The following BCL2L13 variants were observed in gnomAD, a reference collection of about 807,000 sequenced individuals.
The protein encoded by BCL2L13 is bcl-2-like protein 13.
A neutral mutation model predicts 25.8 loss-of-function variants in BCL2L13; 13 were observed. The ratio of observed to expected loss-of-function variants is 0.50; its 90% CI spans 0.33 to 0.80. The LOEUF (loss-of-function observed/expected upper bound fraction) is 0.80, where lower values mean the gene tolerates loss of function less well. Among genes scored for constraint, BCL2L13 ranks in the 30% least tolerant of loss-of-function variants. The pLI is 0.02. For synonymous variants in BCL2L13, 244 were observed against 230.3 expected (o/e 1.06, Z -0.54); for missense variants, 504 against 574.9 (o/e 0.88, Z 1.26).
intron 3 of BCL2L13, 27 bp downstream of exon 3, chr22:17,683,348 A>C (rs753626528): frequency 5.3e-6 from 7 of 1,309,864 alleles, no homozygotes; most frequent in Non-Finnish European, 7.5e-6. Context: ...TTTTCTAGTT[A>C]ATAAGCAGAT....
At chr22:17,636,331 GA>G (rs75562807), upstream of BCL2L13, among the ~76,000 whole-genome samples, 19,330 of 103,052 alleles carry the variant, frequency 0.19, 1,197 homozygotes, top group Middle Eastern at 0.32. Flanking sequence ...TCAAAAAAAA[GA>G]AAAAAAAAAA....
chr22:17,648,865 A>T (rs972748225), intron 1 of BCL2L13, among the ~76,000 whole-genome samples: 3 of 152,198 alleles, frequency 2.0e-5, no homozygotes, highest in Non-Finnish European at 4.4e-5. Context: ...TGGGTTGGCA[A>T]ACGACTTCAG....
chr22:17,629,847 A>ACT (rs1469776587), intron 1 of BCL2L13, among the ~76,000 whole-genome samples: 2 of 150,176 alleles, frequency 1.3e-5, no homozygotes, highest in African/African-American at 2.5e-5. Context: ...ACACACACAC[A>ACT]CTTCCTATTT....
rs1568903856 is a variant in BCL2L13, at chr22:17,631,694, ATATATATATATATTTTTTTTTTTTTT to A, written c.-650+2691_-650+2716del. Among the ~76,000 whole-genome samples the A allele has an allele frequency of 8.9e-3, 344 of 38,554 alleles. 11 individuals are homozygous for A. The highest frequency in any genetic ancestry group is 0.038 in the Middle Eastern group (2 of 52). The allele number at this position is 38,554 out of a possible 152,430, so 25.3% of individuals were successfully genotyped here. ...TGTATATATATATATATATATATAT[ATATATATATATATTTTTTTTTTTTTT>A]TTTTTTTTTTTTTTTTTTGAGATGG... On this transcript the variant is annotated intron_variant, in intron 1 of 6. Coordinates refer to the BCL2L13 transcript ENST00000399782.
intron 2 of BCL2L13, among the ~76,000 whole-genome samples, chr22:17,669,135 C>T (rs977484137): frequency 6.6e-6 from 1 of 151,208 alleles, no homozygotes. Flanking sequence ...CAGGTTCACG[C>T]CTTTCTCCTG....
At position 17,727,822 on chromosome 22, in the gene BCL2L13, A is replaced by G. The variant is rs2061337055; in HGVS notation, c.*288A>G. 3 of 446,256 alleles carry G rather than the reference A, an allele frequency of 6.7e-6. No individual in the cohort carries two copies. In the Admixed American group the frequency reaches 1.0e-4, roughly 15 times the overall value. The allele number at this position is 446,256 out of a possible 1,614,324, so 27.6% of individuals were successfully genotyped here. Reference sequence around the variant, plus strand: ...CAGCCTTGGCACTAGTGCTGTTCTGACCATTCTCTGTGTTGGGGCTGTCCT... The same window carrying G: ...CAGCCTTGGCACTAGTGCTGTTCTGGCCATTCTCTGTGTTGGGGCTGTCCT... On this transcript the variant is annotated 3_prime_UTR_variant, in exon 7 of 7. Transcript: ENST00000317582.
At chr22:17,664,067 T>G (rs1320050059) in intron 2 of BCL2L13, among the ~76,000 whole-genome samples, 1 of 152,206 alleles carries the variant, frequency 6.6e-6, no homozygotes, top group Non-Finnish European at 1.5e-5. Flanking sequence ...CAGCCTGGTC[T>G]TGGACTCCTG....
In BCL2L13 at chr22:17,631,095, A is replaced by C. The variant is rs553588558; in HGVS notation, c.-650+2090A>C. Among the ~76,000 whole-genome samples, 4 of 151,162 alleles carry C rather than the reference A, an allele frequency of 2.6e-5. No homozygotes were observed. In the South Asian group the frequency reaches 8.4e-4, roughly 32 times the overall value. On this transcript the variant is annotated intron_variant, in intron 1 of 6. Coordinates refer to the BCL2L13 transcript ENST00000399782. ...TTGAAGAATATAGGCCAGTTGTAGA[A>C]AATCACTCAATTTTTTTTTTTTTTG...
At chr22:17,683,409 A>G in intron 3 of BCL2L13, 88 bp downstream of exon 3, 1 of 731,796 alleles carries the variant, frequency 1.4e-6, no homozygotes, top group Non-Finnish European at 2.2e-6. Context: ...ACAGTGGGGT[A>G]TTCTCAACAG....
chr22:17,629,824 C>CAA (rs1209051948), intron 1 of BCL2L13, among the ~76,000 whole-genome samples: 1 of 122,086 alleles, frequency 8.2e-6, no homozygotes, highest in Non-Finnish European at 2.0e-5. Context: ...TTCATACACA[C>CAA]ACACACACAC....
At chr22:17,682,025 A>G (rs961350389) in intron 2 of BCL2L13, among the ~76,000 whole-genome samples, 9 of 152,204 alleles carry the variant, frequency 5.9e-5, no homozygotes, top group Non-Finnish European at 1.0e-4. Flanking sequence ...CCAGCACTTG[A>G]TATTAGCCAT....
chr22:17,680,705 G>A (rs1261385245), intron 2 of BCL2L13, among the ~76,000 whole-genome samples: 1 of 151,954 alleles, frequency 6.6e-6, no homozygotes, highest in East Asian at 1.9e-4. Context: ...GGGGTGGAGT[G>A]CAGACACGGT....
rs2061359457 is a variant in BCL2L13, at chr22:17,728,973, G to T, written c.*1439G>T. On this transcript the variant is annotated 3_prime_UTR_variant, in exon 7 of 7. Transcript: ENST00000317582. ...CCGTGTCTTTCCAGCCCTAAAGGAA[G>T]GGCAGACCCGTGTCTTTCCATGCCC... is the stretch of plus-strand genomic sequence containing the variant. 1 of 152,128 alleles carries T rather than the reference G, an allele frequency of 6.6e-6. No individual in the cohort carries two copies. Among genetic ancestry groups the T allele is most frequent in the Non-Finnish European group, 1.5e-5 (1 of 68,026 alleles). The allele number at this position is 152,128 out of a possible 1,614,324, so 9.4% of individuals were successfully genotyped here.
At chr22:17,630,455 T>C (rs2057987588) in intron 1 of BCL2L13, among the ~76,000 whole-genome samples, 1 of 151,628 alleles carries the variant, frequency 6.6e-6, no homozygotes, top group Non-Finnish European at 1.5e-5. Context: ...AATTTTTGTA[T>C]TTTTAGTAGA....
intron 1 of BCL2L13, among the ~76,000 whole-genome samples, chr22:17,651,480 C>G (rs2058685779): frequency 6.6e-6 from 1 of 151,116 alleles, no homozygotes; most frequent in Non-Finnish European, 1.5e-5. Flanking sequence ...CTCCCAGGTT[C>G]AATTGATTTT....
chr22:17,679,109 C>A (rs1308004065), intron 2 of BCL2L13, among the ~76,000 whole-genome samples: 2 of 152,048 alleles, frequency 1.3e-5, no homozygotes, highest in Non-Finnish European at 1.5e-5. Context: ...AATTTAAGTT[C>A]CAGAAATGAG....
At chr22:17,655,563 C>G in intron 1 of BCL2L13, 99 bp from the exon 2 acceptor site, 1 of 935,516 alleles carries the variant, frequency 1.1e-6, no homozygotes, top group Non-Finnish European at 1.5e-6. Flanking sequence ...GAGCAAGACT[C>G]TACCTCAAAA....
chr22:17,658,990 G>A (rs1174343102), intron 2 of BCL2L13, among the ~76,000 whole-genome samples: 4 of 138,856 alleles, frequency 2.9e-5, no homozygotes, highest in Admixed American at 7.3e-5. Context: ...CCCAGGAGGC[G>A]GAGGTTGCAG....
At chr22:17,684,738 TA>T in intron 3 of BCL2L13, 2 of 345,982 alleles carry the variant, frequency 5.8e-6, no homozygotes, top group African/African-American at 2.2e-5. Context: ...TAATTTTTTG[TA>T]TTTTTTTTTT....
Sources: gnomAD v4.1 joint callset for allele counts (sites outside exome capture counted in the v4.1 genomes callset) on GRCh38, gnomAD v4.1.1 for gene constraint, MANE v1.5 for transcripts, NCBI Gene and HGNC (gene_info 2026-07-23, HGNC 2026-07-21) for gene names.